The following ADGRV1 variants were observed in gnomAD, a reference collection of about 807,000 sequenced individuals.
ADGRV1 encodes G-protein coupled receptor 98.
A neutral mutation model predicts 596.2 loss-of-function variants in ADGRV1; 359 were observed. The ratio of observed to expected loss-of-function variants is 0.60; its 90% CI spans 0.55 to 0.66. ADGRV1 has a LOEUF of 0.66. ADGRV1 is among the 30% of genes least tolerant of loss of function. The pLI is 0.00. For synonymous variants in ADGRV1, 2,681 were observed against 2,679.2 expected, an observed-to-expected ratio of 1.00 and a Z score of -0.02; for missense variants, 7,274 against 7,575.6, an observed-to-expected ratio of 0.96 and a Z score of 1.48.
chr5:90,889,641 C>A (rs941449173), intron 83 of ADGRV1, among the ~76,000 whole-genome samples: 1 of 151,996 alleles, frequency 6.6e-6, no homozygotes, highest in East Asian at 1.9e-4. Flanking sequence ...ATAAAAATAG[C>A]CAGATTTTTA....
chr5:91,096,266 G>C (rs1042898993), intron 86 of ADGRV1, among the ~76,000 whole-genome samples: 15 of 152,196 alleles, frequency 9.9e-5, no homozygotes, highest in Non-Finnish European at 2.2e-4. Flanking sequence ...ATTGTTGTCA[G>C]TGGTGCATAG....
chr5:90,731,002 C>G (rs1390723807), intron 50 of ADGRV1, among the ~76,000 whole-genome samples: 1 of 152,074 alleles, frequency 6.6e-6, no homozygotes, highest in African/African-American at 2.4e-5. Flanking sequence ...TACTTAAAAG[C>G]CTTAATGTAT....
intron 83 of ADGRV1, among the ~76,000 whole-genome samples, chr5:90,929,019 C>G (rs1319767130): frequency 2.0e-5 from 3 of 150,000 alleles, no homozygotes; most frequent in African/African-American, 4.9e-5. Flanking sequence ...GCTGGGAGAA[C>G]CACTGCTCTC....
At chr5:91,091,667 A>T (rs1790393287) in intron 86 of ADGRV1, 2 of 152,204 alleles carry the variant, frequency 1.3e-5, no homozygotes, top group South Asian at 4.1e-4. Context: ...CTGGTGGTGT[A>T]TTTCAAAAGC....
rs549788719 is a variant in ADGRV1, at chr5:90,942,136, A to T, written c.17857-23279A>T. Among the ~76,000 whole-genome samples the T allele has an allele frequency of 1.6e-4, 24 of 152,344 alleles. No individual in the cohort carries two copies. The East Asian group carries it at 4.4e-3, about 28-fold the overall frequency. On this transcript the variant is annotated intron_variant, in intron 83 of 89. Coordinates refer to ENST00000405460, the MANE Select transcript of ADGRV1 (RefSeq NM_032119.4). Reference sequence around the variant, plus strand: ...TTAGTTGTCGACTCATTGACACCGTACATTGGCCAAATATTTTATGAAAGC... The same window carrying T: ...TTAGTTGTCGACTCATTGACACCGTTCATTGGCCAAATATTTTATGAAAGC...
At position 90,705,400 on chromosome 5, in the gene ADGRV1, G is replaced by T; in HGVS notation, c.8387G>T (p.Gly2796Val). 6.2e-7 allele frequency: 1 copy of T among 1,612,732 alleles called. No individual in the cohort carries two copies. The highest frequency in any genetic ancestry group is 1.1e-5 in the South Asian group (1 of 90,866). Residue 2796 changes from glycine (G) to valine (V), a missense_variant and splice_region_variant, in exon 37 of 90, where the codon GGA (glycine) becomes GTA (valine). This residue lies in a region of ADGRV1 where 3,643 missense variants were observed against 3,809.2 expected (regional missense o/e 0.96). Transcript: ENST00000405460. ...QVILYDVRTQ[G>V]VPPAGIALLD... ...TTAGATTCCTGCCTGACATTTTTAG[G>T]AGTTCCACCAGCCGGAATCGCCCTG...
chr5:91,089,118 G>C (rs920110606), intron 86 of ADGRV1, among the ~76,000 whole-genome samples: 2 of 152,040 alleles, frequency 1.3e-5, no homozygotes, highest in South Asian at 4.1e-4. Flanking sequence ...GTTTAAAAGG[G>C]TAATAATAAT....
In ADGRV1 at chr5:91,025,171, G is replaced by A. The variant is rs990523970; in HGVS notation, c.18152+39649G>A. 4.6e-5 allele frequency among the ~76,000 whole-genome samples: 7 copies of A among 151,944 alleles called. No homozygotes were observed. In the East Asian group the frequency reaches 5.8e-4, roughly 13 times the overall value. On this transcript the variant is annotated intron_variant, in intron 85 of 89. Coordinates refer to ENST00000405460, the MANE Select transcript of ADGRV1 (RefSeq NM_032119.4). ...AATTCTCCTTCTCTCTAACATTTCC[G>A]TGCTTTTCTGTTCTGTTTTCTGCTT...
chr5:91,105,694 G>C (rs944613773), intron 87 of ADGRV1, among the ~76,000 whole-genome samples: 1 of 152,022 alleles, frequency 6.6e-6, no homozygotes, highest in African/African-American at 2.4e-5. Context: ...TGAGTTCCTT[G>C]TATGTTCTGC....
In ADGRV1 at chr5:90,672,671, C is replaced by T. The variant is rs755906427; in HGVS notation, c.4878C>T (p.Asp1626=). Residue 1626 remains aspartate (D), a synonymous_variant, in exon 22 of 90, where the codon GAC becomes GAT. Coordinates refer to ENST00000405460, the MANE Select transcript of ADGRV1 (RefSeq NM_032119.4). ...ETDGINYLVD[D]FANASGTITF... The stretch of plus-strand genomic sequence containing the variant: ...ATGGCATTAATTACCTTGTTGATGA[C>T]TTTGCTAATGCCAGTGGAACTATTA... 25 of 1,613,402 alleles carry T rather than the reference C, an allele frequency of 1.5e-5. No homozygotes were observed. The highest frequency in any genetic ancestry group is 2.0e-5 in the Non-Finnish European group (24 of 1,179,598).
intron 6 of ADGRV1, chr5:90,626,698 A>G (rs1764808043): frequency 6.6e-6 from 1 of 152,264 alleles, no homozygotes; most frequent in Non-Finnish European, 1.5e-5. Flanking sequence ...CCAGAGAGGC[A>G]TGATGTGTAT....
At chr5:91,046,442 G>C (rs571756447) in intron 85 of ADGRV1, among the ~76,000 whole-genome samples, 28 of 152,214 alleles carry the variant, frequency 1.8e-4, no homozygotes, top group African/African-American at 6.0e-4. Context: ...AATGGTGCTG[G>C]GATAATTGGC....
At chr5:90,662,482 C>T (rs879870090) in intron 21 of ADGRV1, among the ~76,000 whole-genome samples, 5 of 152,146 alleles carry the variant, frequency 3.3e-5, no homozygotes, top group South Asian at 2.1e-4. Context: ...TGTAAGCCAC[C>T]GTGCCCAGCC....
intron 85 of ADGRV1, among the ~76,000 whole-genome samples, chr5:91,016,479 A>G (rs1783183760): frequency 1.3e-5 from 2 of 151,972 alleles, no homozygotes; most frequent in Non-Finnish European, 2.9e-5. Flanking sequence ...TATTGATTAC[A>G]AAGAAAACCT....
At chr5:90,811,879 A>G (rs929117743) in intron 74 of ADGRV1, among the ~76,000 whole-genome samples, 4 of 151,252 alleles carry the variant, frequency 2.6e-5, no homozygotes, top group African/African-American at 9.7e-5. Flanking sequence ...CATGTATCTT[A>G]TGCAATCTTT....
intron 83 of ADGRV1, among the ~76,000 whole-genome samples, chr5:90,899,747 C>A (rs1445418932): frequency 7.2e-6 from 1 of 139,452 alleles, no homozygotes; most frequent in Non-Finnish European, 1.6e-5. Context: ...TGCTTACCAA[C>A]CTATCATACC....
intron 66 of ADGRV1, 49 bp from the exon 67 acceptor site, chr5:90,783,789 G>A (rs1319542546): frequency 1.5e-6 from 2 of 1,360,148 alleles, no homozygotes; most frequent in Admixed American, 2.2e-5. Flanking sequence ...GATTTTACAA[G>A]CACTTTAATA....
intron 57 of ADGRV1, among the ~76,000 whole-genome samples, chr5:90,758,314 C>T (rs914065328): frequency 6.6e-6 from 1 of 152,034 alleles, no homozygotes; most frequent in African/African-American, 2.4e-5. Flanking sequence ...GCCTGGGCAA[C>T]AAAGCGAGAC....
intron 1 of ADGRV1, among the ~76,000 whole-genome samples, chr5:90,570,588 T>TA (rs769133814): frequency 7.2e-5 from 11 of 152,164 alleles, no homozygotes; most frequent in Non-Finnish European, 1.3e-4. Context: ...TGGAGTCCTA[T>TA]AGGACTCTGA....
Sources: gnomAD v4.1 joint callset for allele counts (sites outside exome capture counted in the v4.1 genomes callset) on GRCh38, gnomAD v4.1.1 for gene constraint, gnomAD v4.1.1 regional missense constraint, MANE v1.5 for transcripts, NCBI Gene and HGNC (gene_info 2026-07-23, HGNC 2026-07-21) for gene names.